The following LINC00305 variants were observed in gnomAD, a reference collection of about 807,000 sequenced individuals.
LINC00305 encodes the protein long intergenic non-protein coding RNA 305.
chr18:64,119,260 GA>G (rs746772952), intron 1 of LINC00305, among the ~76,000 whole-genome samples: 5 of 152,106 alleles, frequency 3.3e-5, no homozygotes, highest in Non-Finnish European at 5.9e-5. Flanking sequence ...AGAACAGAAG[GA>G]AGGAGGTCAT....
chr18:64,098,830 C>A (rs1434534001), intron 1 of LINC00305, among the ~76,000 whole-genome samples: 1 of 152,108 alleles, frequency 6.6e-6, no homozygotes, highest in Non-Finnish European at 1.5e-5. Flanking sequence ...TGACCCCAAG[C>A]CTCTTTCTGA....
chr18:64,087,653 G>A (rs952879142), intron 3 of LINC00305, among the ~76,000 whole-genome samples: 1 of 152,014 alleles, frequency 6.6e-6, no homozygotes, highest in African/African-American at 2.4e-5. Flanking sequence ...GGAACATTCT[G>A]GGGTATAGAA....
intron 1 of LINC00305, among the ~76,000 whole-genome samples, chr18:64,143,056 G>C (rs1197615588): frequency 6.6e-6 from 1 of 152,166 alleles, no homozygotes; most frequent in Non-Finnish European, 1.5e-5. Context: ...GGTGCCATGA[G>C]GGGAAGGGGA....
chr18:64,085,332 T>A (rs947017957), intron 3 of LINC00305, among the ~76,000 whole-genome samples: 4 of 152,252 alleles, frequency 2.6e-5, no homozygotes, highest in Non-Finnish European at 5.9e-5. Flanking sequence ...CTATTTTCCA[T>A]AGGAAGTCTG....
Position 64,115,021 on chromosome 18 carries a change from C to T in LINC00305, n.315-16381G>A, listed in dbSNP as rs192102615. Among the ~76,000 whole-genome samples, 153 of 152,288 alleles carry T rather than the reference C, an allele frequency of 1.0e-3. 1 individual carries two copies. Among genetic ancestry groups the T allele is most frequent in the Non-Finnish European group, 1.0e-3 (71 of 68,030 alleles). ...TCCATGCAGGGCTGGGGTGATGCAC[C>T]CATTTGTCGTCAGCCCTCTGGGATG... On this transcript the variant is annotated intron_variant and non_coding_transcript_variant, in intron 1 of 3. Coordinates refer to ENST00000666468, the Ensembl canonical transcript of LINC00305.
chr18:64,091,427 G>A (rs190153708), intron 3 of LINC00305, among the ~76,000 whole-genome samples: 5 of 152,302 alleles, frequency 3.3e-5, no homozygotes, highest in East Asian at 3.9e-4. Flanking sequence ...TGTGCAAAAC[G>A]CAAGTTCAAA....
rs957517590 is a variant in LINC00305, at chr18:64,114,152, C to T, written n.315-15512G>A. ...GGGCGTGGTGGCGGGCGCCTGCAGT[C>T]CCAGCTACTCTGGAGGCTGAGGCAG... On this transcript the variant is annotated intron_variant and non_coding_transcript_variant, in intron 1 of 3. Coordinates refer to ENST00000666468, the Ensembl canonical transcript of LINC00305. 1.6e-4 allele frequency among the ~76,000 whole-genome samples: 25 copies of T among 152,228 alleles called. 1 individual carries two copies. Among genetic ancestry groups the T allele is most frequent in the Admixed American group, 2.0e-4 (3 of 15,298 alleles).
intron 3 of LINC00305, chr18:64,097,716 T>A (rs1370010621): frequency 5.6e-6 from 2 of 357,148 alleles, no homozygotes; most frequent in Non-Finnish European, 5.5e-6. Flanking sequence ...AAGCACTCTA[T>A]TATCAGAAGT....
chr18:64,083,228 C>T (rs2051191365), intron 3 of LINC00305, among the ~76,000 whole-genome samples: 1 of 152,142 alleles, frequency 6.6e-6, no homozygotes, highest in Non-Finnish European at 1.5e-5. Flanking sequence ...TCACCCCAGA[C>T]AGGAGCTATG....
chr18:64,126,360 T>C (rs2051385197), intron 1 of LINC00305, among the ~76,000 whole-genome samples: 1 of 152,102 alleles, frequency 6.6e-6, no homozygotes, highest in African/African-American at 2.4e-5. Context: ...TTAAAAAAAT[T>C]ACAGTAATTA....
intron 1 of LINC00305, among the ~76,000 whole-genome samples, chr18:64,144,999 A>G (rs2051490279): frequency 6.6e-6 from 1 of 152,104 alleles, no homozygotes; most frequent in African/African-American, 2.4e-5. Flanking sequence ...AAACGCCCTC[A>G]TCTTGCCACG....
At chr18:64,130,519 G>A (rs776485363) in intron 1 of LINC00305, among the ~76,000 whole-genome samples, 2 of 151,908 alleles carry the variant, frequency 1.3e-5, no homozygotes, top group East Asian at 3.9e-4. Flanking sequence ...AAAATACATA[G>A]CAAAAGAAAA....
At position 64,143,283 on chromosome 18, in the gene LINC00305, A is replaced by T. The variant is rs148369313; in HGVS notation, n.314+5492T>A. ...TCTGGATGGATTGTAAGAGGTAAAC[A>T]TAAGATTAACAAAGCACCAAGATGA... On this transcript the variant is annotated intron_variant and non_coding_transcript_variant, in intron 1 of 3. Coordinates refer to ENST00000666468, the Ensembl canonical transcript of LINC00305. Among the ~76,000 whole-genome samples the T allele has an allele frequency of 5.3e-5, 8 of 152,300 alleles. No homozygotes were observed. The East Asian group carries it at 1.5e-3, about 29-fold the overall frequency.
chr18:64,106,750 A>T (rs1440419208), intron 1 of LINC00305, among the ~76,000 whole-genome samples: 1 of 152,146 alleles, frequency 6.6e-6, no homozygotes, highest in African/African-American at 2.4e-5. Flanking sequence ...GAGCAGAAAA[A>T]TGACGCAGGA....
intron 1 of LINC00305, among the ~76,000 whole-genome samples, chr18:64,135,342 G>A (rs1039709473): frequency 6.6e-6 from 1 of 152,166 alleles, no homozygotes; most frequent in Admixed American, 6.5e-5. Flanking sequence ...GGTGGGCACA[G>A]TTTAACCCAT....
intron 1 of LINC00305, among the ~76,000 whole-genome samples, chr18:64,140,366 A>C (rs931463166): frequency 4.0e-5 from 6 of 151,738 alleles, no homozygotes; most frequent in Admixed American, 3.9e-4. Context: ...CTGCCACCAC[A>C]CCTGGCTAAT....
intron 1 of LINC00305, among the ~76,000 whole-genome samples, chr18:64,143,539 ATAT>A: frequency 7.7e-6 from 1 of 129,502 alleles, no homozygotes; most frequent in African/African-American, 2.9e-5. Context: ...GTGTACATAT[ATAT>A]GTACACATAT....
At chr18:64,082,543 A>G (rs2051189074) in intron 3 of LINC00305, among the ~76,000 whole-genome samples, 1 of 152,228 alleles carries the variant, frequency 6.6e-6, no homozygotes, top group Non-Finnish European at 1.5e-5. Flanking sequence ...GGCAGTGGGC[A>G]AGGAGAATCC....
intron 3 of LINC00305, among the ~76,000 whole-genome samples, chr18:64,081,719 T>C (rs1168335633): frequency 6.6e-6 from 1 of 152,140 alleles, no homozygotes; most frequent in Non-Finnish European, 1.5e-5. Flanking sequence ...AGAAGTTCAA[T>C]TTTGAAAAGC....
Sources: allele counts gnomAD v4.1 joint callset (sites outside exome capture counted in the v4.1 genomes callset), GRCh38; gene constraint gnomAD v4.1.1; transcripts MANE v1.5; gene names NCBI Gene and HGNC (gene_info 2026-07-23, HGNC 2026-07-21).